The following CLTCL1 variants were observed in gnomAD, a reference collection of about 807,000 sequenced individuals.
CLTCL1 encodes the protein clathrin heavy chain like 1.
Under a neutral mutation model 190.0 loss-of-function variants are expected in CLTCL1, and 159 were observed. The observed-to-expected ratio is 0.84, with a 90% CI of 0.74 to 0.95. The LOEUF is 0.95. CLTCL1 is among the 40% of genes least tolerant of loss of function. The pLI, the probability that CLTCL1 is intolerant of heterozygous loss-of-function variation, is 0.00. For missense variants in CLTCL1, 1,878 were observed against 2,033.4 expected (o/e 0.92, Z 1.47); for synonymous variants, 752 against 769.6 (o/e 0.98, Z 0.38).
At chr22:19,255,691 C>T (rs549526865) in intron 2 of CLTCL1, among the ~76,000 whole-genome samples, 1 of 151,942 alleles carries the variant, frequency 6.6e-6, no homozygotes, top group African/African-American at 2.4e-5. Flanking sequence ...AGGTAGATTA[C>T]CGGAGGTCAG....
intron 3 of CLTCL1, among the ~76,000 whole-genome samples, chr22:19,252,962 C>A (rs1190558020): frequency 1.4e-5 from 2 of 145,852 alleles, no homozygotes; most frequent in African/African-American, 5.1e-5. Flanking sequence ...TGCAGTGAGC[C>A]GAGATCGCGC....
At chr22:19,191,205 G>A (rs1356308276) in intron 27 of CLTCL1, 99 bp downstream of exon 27, 3 of 1,430,706 alleles carry the variant, frequency 2.1e-6, no homozygotes, top group East Asian at 2.3e-5. Context: ...AGTCAGCTGG[G>A]GGTCATTTCA....
At chr22:19,215,620 A>G (rs889613186) in intron 19 of CLTCL1, among the ~76,000 whole-genome samples, 1 of 152,002 alleles carries the variant, frequency 6.6e-6, no homozygotes, top group Admixed American at 6.6e-5. Context: ...GGAAGCACGC[A>G]CTCGCACCTC....
intron 27 of CLTCL1, among the ~76,000 whole-genome samples, chr22:19,190,741 C>T (rs1170127556): frequency 1.3e-5 from 2 of 151,340 alleles, no homozygotes; most frequent in African/African-American, 2.4e-5. Flanking sequence ...TGGTGCTAAT[C>T]GACTTTCTCA....
chr22:19,190,596 C>CAAAAAAAAAAAAAAAAAAAAAAAAAAAAA (rs55780206), intron 27 of CLTCL1, among the ~76,000 whole-genome samples: 3 of 72,818 alleles, frequency 4.1e-5, no homozygotes, highest in African/African-American at 5.5e-5. Flanking sequence ...AAGACTGTCT[C>CAAAAAAAAAAAAAAAAAAAAAAAAAAAAA]AAAAAAAAAA....
At chr22:19,246,395 T>C (rs1555968012) in intron 3 of CLTCL1, among the ~76,000 whole-genome samples, 2 of 152,130 alleles carry the variant, frequency 1.3e-5, no homozygotes, top group Non-Finnish European at 2.9e-5. Context: ...CCAAACTGCT[T>C]TCCACAGCAT....
rs782470938 is a variant in CLTCL1, at chr22:19,226,423, G to A, written c.1783-40C>T. On this transcript the variant is annotated intron_variant, in intron 11 of 32. Coordinates refer to ENST00000427926, the MANE Select transcript of CLTCL1 (RefSeq NM_007098.4). ...GTTCGGTGAGAAGCCCTGATCAATG[G>A]CAATAACTTTTTAAGACCAGCTGCT... 1.9e-6 allele frequency: 3 copies of A among 1,609,860 alleles called. No homozygotes were observed. In the African/African-American group the frequency reaches 4.0e-5, roughly 22 times the overall value.
Position 19,201,488 on chromosome 22 carries a change from T to A in CLTCL1, c.3606A>T (p.Gly1202=), listed in dbSNP as rs1555939504. The change falls in exon 23 of 33, where the codon GGA becomes GGT. Residue 1202 remains glycine (G), a synonymous_variant. Coordinates refer to ENST00000427926, the MANE Select transcript of CLTCL1 (RefSeq NM_007098.4). ...ACATTCCCTCCTCGTAACAGCGGTCTCCAACCTACGGATAATAGGGTAGCT... is the reference window on the plus strand; with the variant it reads ...ACATTCCCTCCTCGTAACAGCGGTCACCAACCTACGGATAATAGGGTAGCT... ...GPNNAHIQQV[G]DRCYEEGMYE... 1 of 1,612,074 alleles carries A rather than the reference T, an allele frequency of 6.2e-7. No homozygotes were observed. The highest frequency in any genetic ancestry group is 1.1e-5 in the South Asian group (1 of 91,018).
rs530354733 is a variant in CLTCL1, at chr22:19,263,259, ATTT to A, written c.251-9035_251-9033del. On this transcript the variant is annotated intron_variant, in intron 2 of 32. Coordinates refer to ENST00000427926, the MANE Select transcript of CLTCL1 (RefSeq NM_007098.4). ...ACAGGCGTGCACCACCACACCCAGA[ATTT>A]TTTTTTTTTTTTTTTGAGCTAAGGT... Among the ~76,000 whole-genome samples the A allele has an allele frequency of 2.0e-3, 266 of 135,668 alleles. 2 individuals are homozygous for A. The highest frequency in any genetic ancestry group is 5.7e-3 in the African/African-American group (212 of 37,106). The allele number at this position is 135,668 out of a possible 152,430, so 89.0% of individuals were successfully genotyped here. A position where few individuals can be genotyped will look rare whatever the true frequency, so the allele number is the denominator to read the frequency against.
chr22:19,251,646 C>T (rs551303371), intron 3 of CLTCL1, among the ~76,000 whole-genome samples: 22 of 151,960 alleles, frequency 1.4e-4, no homozygotes, highest in East Asian at 7.7e-4. Context: ...TTAGTAGAGA[C>T]GGGGTTTCAC....
chr22:19,240,191 C>T (rs2086208457), intron 4 of CLTCL1, among the ~76,000 whole-genome samples: 1 of 151,918 alleles, frequency 6.6e-6, no homozygotes, highest in South Asian at 2.1e-4. Context: ...CCCGACCCCA[C>T]CTCGGGTAAT....
chr22:19,236,243 C>T (rs2086078508), intron 5 of CLTCL1, among the ~76,000 whole-genome samples: 1 of 152,138 alleles, frequency 6.6e-6, no homozygotes, highest in African/African-American at 2.4e-5. Flanking sequence ...ATATTTTGTC[C>T]AACCACTCTC....
chr22:19,180,655 C>A (rs2084102868), intron 31 of CLTCL1, 76 bp downstream of exon 31: 9 of 1,457,908 alleles, frequency 6.2e-6, no homozygotes, highest in Non-Finnish European at 7.7e-6. Flanking sequence ...CAAAGCCCAG[C>A]CAGGTAAGGG....
In CLTCL1 at chr22:19,254,239, T is replaced by C. The variant is rs782647089; in HGVS notation, c.251-12A>G. The C allele has an allele frequency of 2.5e-6, 4 of 1,595,220 alleles. No individual in the cohort carries two copies. The South Asian group carries it at 3.3e-5, about 13-fold the overall frequency. On this transcript the variant is annotated splice_polypyrimidine_tract_variant and intron_variant, in intron 2 of 32. Transcript: ENST00000427926. ...AAGTGTCTTCCCAGCTAGTATTTGA[T>C]ATAATAGAGATTAGAGAAAGACAAA...
At chr22:19,192,170 A>G (rs2084531404) in intron 26 of CLTCL1, among the ~76,000 whole-genome samples, 1 of 145,198 alleles carries the variant, frequency 6.9e-6, no homozygotes, top group Admixed American at 7.3e-5. Flanking sequence ...GGTTCATGCC[A>G]TTCTCCTGCC....
At chr22:19,184,691 A>C (rs2084254822) in intron 29 of CLTCL1, 52 of 408,494 alleles carry the variant, frequency 1.3e-4, no homozygotes, top group South Asian at 9.0e-4. Context: ...CATGTGCCTA[A>C]AGTGGGCCCT....
At chr22:19,289,041 T>A (rs1412761236) in intron 1 of CLTCL1, among the ~76,000 whole-genome samples, 1 of 152,206 alleles carries the variant, frequency 6.6e-6, no homozygotes, top group Non-Finnish European at 1.5e-5. Flanking sequence ...TGGAGAGTAG[T>A]GACATGATTT....
chr22:19,274,784 C>A, intron 2 of CLTCL1, among the ~76,000 whole-genome samples: 1 of 148,812 alleles, frequency 6.7e-6, no homozygotes, highest in South Asian at 2.1e-4. Context: ...GGCTGGAGTG[C>A]AATGGCGCGA....
chr22:19,242,769 T>C lies in CLTCL1; in HGVS notation c.681+6A>G, dbSNP rs1240347988. 1.2e-6 allele frequency: 2 copies of C among 1,613,868 alleles called. No individual in the cohort carries two copies. Among genetic ancestry groups the C allele is most frequent in the Non-Finnish European group, 8.5e-7 (1 of 1,179,846 alleles). ...CTCAGGGAGAAGACAGTAGAGTGGA[T>C]CTTACCTTGCCTCCTGTGGGATTAC... On this transcript the variant is annotated splice_donor_region_variant and intron_variant, in intron 4 of 32. Coordinates refer to ENST00000427926, the MANE Select transcript of CLTCL1 (RefSeq NM_007098.4).
Sources: allele counts gnomAD v4.1 joint callset (sites outside exome capture counted in the v4.1 genomes callset), GRCh38; gene constraint gnomAD v4.1.1; transcripts MANE v1.5; gene names NCBI Gene and HGNC (gene_info 2026-07-23, HGNC 2026-07-21).